Variants in GRIK2 observed in about 807,000 individuals in gnomAD.
The protein encoded by GRIK2 is glutamate receptor ionotropic, kainate 2.
GRIK2 carries 32 observed loss-of-function variants against 100.3 expected under a neutral mutation model. The ratio of observed to expected loss-of-function variants is 0.32; its 90% CI spans 0.24 to 0.43. The LOEUF is 0.43. GRIK2 is among the 20% of genes least tolerant of loss of function. The pLI is 1.00. For synonymous variants in GRIK2, 417 were observed against 389.4 expected (o/e 1.07, Z -0.83); for missense variants, 843 against 1,114.9 (o/e 0.76, Z 3.47).
chr6:101,594,809 G>C (rs1025796560), intron 2 of GRIK2, among the ~76,000 whole-genome samples: 36 of 151,802 alleles, frequency 2.4e-4, no homozygotes, highest in African/African-American at 7.7e-4. Context: ...TAGTTTAAAA[G>C]CATGGATGAA....
At chr6:101,553,169 A>T (rs1213291116) in intron 2 of GRIK2, among the ~76,000 whole-genome samples, 1 of 152,220 alleles carries the variant, frequency 6.6e-6, no homozygotes, top group Non-Finnish European at 1.5e-5. Flanking sequence ...TAAACACTAC[A>T]ATAGATTTAT....
intron 14 of GRIK2, among the ~76,000 whole-genome samples, chr6:102,016,083 A>G (rs1477548639): frequency 6.6e-6 from 1 of 151,550 alleles, no homozygotes. Context: ...CTGACAACTC[A>G]AAAAACTAGA....
At chr6:101,884,486 A>G (rs1786480431) in intron 11 of GRIK2, among the ~76,000 whole-genome samples, 1 of 152,132 alleles carries the variant, frequency 6.6e-6, no homozygotes, top group African/African-American at 2.4e-5. Context: ...AAGCTTCACA[A>G]CATATTCAAA....
At position 101,608,819 on chromosome 6, in the gene GRIK2, A is replaced by ATGTGTGTGTG. The variant is rs1562258517; in HGVS notation, c.116-13127_116-13126insGTGTGTGTGT. Among the ~76,000 whole-genome samples the ATGTGTGTGTG allele has an allele frequency of 2.6e-5, 3 of 113,960 alleles. No homozygotes were observed. In the East Asian group the frequency reaches 7.2e-4, roughly 28 times the overall value. 74.8% of individuals were successfully genotyped at this position (113,960 alleles called of 152,430 possible). Reference sequence around the variant, plus strand: ...TGTGTGTGTGTGTGTGTGTGTATGTATGTATGTGTGTGTGTGTCTCACTCT... The same window carrying ATGTGTGTGTG: ...TGTGTGTGTGTGTGTGTGTGTATGTATGTGTGTGTGTGTATGTGTGTGTGTGTCTCACTCT... On this transcript the variant is annotated intron_variant, in intron 2 of 16. Transcript: ENST00000369134.
At chr6:101,399,968 T>TA (rs1775199096) in intron 2 of GRIK2, among the ~76,000 whole-genome samples, 2 of 152,216 alleles carry the variant, frequency 1.3e-5, no homozygotes. Flanking sequence ...TGCAGAGCTT[T>TA]AAAAAATGTT....
chr6:101,425,419 A>C (rs1776651264), intron 2 of GRIK2, among the ~76,000 whole-genome samples: 1 of 152,156 alleles, frequency 6.6e-6, no homozygotes, highest in South Asian at 2.1e-4. Context: ...TATAATTTCT[A>C]TAATTATATT....
At chr6:101,470,819 A>G (rs74531384) in intron 2 of GRIK2, among the ~76,000 whole-genome samples, 15,109 of 152,160 alleles carry the variant, frequency 0.099, 790 homozygotes, top group South Asian at 0.11. Flanking sequence ...AGAGAAAACA[A>G]TCCATCAAAT....
At chr6:101,657,979 A>C (rs1331209067) in intron 4 of GRIK2, among the ~76,000 whole-genome samples, 1 of 152,134 alleles carries the variant, frequency 6.6e-6, no homozygotes, top group Non-Finnish European at 1.5e-5. Flanking sequence ...AGTAACTTGG[A>C]CTATTTCAAT....
chr6:101,873,106 T>A lies in GRIK2; in HGVS notation c.1524+13613T>A, dbSNP rs188106206. Reference sequence around the variant, plus strand: ...TTTTAAACTGGACATTAATTTTTTTTAAATTATACATTAAGTTCTAGGGTA... The same window carrying A: ...TTTTAAACTGGACATTAATTTTTTTAAAATTATACATTAAGTTCTAGGGTA... On this transcript the variant is annotated intron_variant, in intron 11 of 16. Transcript: ENST00000369134. Among the ~76,000 whole-genome samples, 800 of 152,006 alleles carry A rather than the reference T, an allele frequency of 5.3e-3. 7 individuals carry two copies. The highest frequency in any genetic ancestry group is 0.018 in the African/African-American group (750 of 41,496).
chr6:101,951,895 C>T (rs1340792299), intron 14 of GRIK2, among the ~76,000 whole-genome samples: 1 of 152,144 alleles, frequency 6.6e-6, no homozygotes, highest in Non-Finnish European at 1.5e-5. Flanking sequence ...TTCATAGCAG[C>T]ATGAGAAGTA....
At chr6:101,632,094 A>G (rs1475149538) in intron 4 of GRIK2, among the ~76,000 whole-genome samples, 1 of 152,136 alleles carries the variant, frequency 6.6e-6, no homozygotes, top group Non-Finnish European at 1.5e-5. Context: ...CATGAAGTGC[A>G]CACGTACATG....
intron 2 of GRIK2, among the ~76,000 whole-genome samples, chr6:101,522,946 A>T (rs1252284177): frequency 6.6e-6 from 1 of 150,994 alleles, no homozygotes; most frequent in African/African-American, 2.4e-5. Context: ...CTATTTATTA[A>T]ATTAATGAAC....
chr6:102,026,111 CATATATATATAT>C (rs6149730), intron 14 of GRIK2, among the ~76,000 whole-genome samples: 6,066 of 100,114 alleles, frequency 0.061, 182 homozygotes, highest in East Asian at 0.094. Flanking sequence ...TATACACTTA[CATATATATATAT>C]ATATATATAT....
intron 4 of GRIK2, among the ~76,000 whole-genome samples, chr6:101,656,642 A>G (rs1769205901): frequency 6.6e-6 from 1 of 152,216 alleles, no homozygotes; most frequent in South Asian, 2.1e-4. Context: ...AAATTAACAC[A>G]TAATGAATAT....
chr6:101,794,639 T>C (rs1780162844), intron 7 of GRIK2, among the ~76,000 whole-genome samples: 1 of 152,004 alleles, frequency 6.6e-6, no homozygotes, highest in African/African-American at 2.4e-5. Flanking sequence ...GATTTTTTTT[T>C]CTTTGTATTG....
At chr6:102,031,966 C>T (rs1770023979) in intron 14 of GRIK2, among the ~76,000 whole-genome samples, 1 of 151,204 alleles carries the variant, frequency 6.6e-6, no homozygotes, top group Admixed American at 6.6e-5. Flanking sequence ...AATCTCTGAA[C>T]TGGGCTGAAA....
chr6:101,569,073 A>T (rs1479963802), intron 2 of GRIK2, among the ~76,000 whole-genome samples: 3 of 152,150 alleles, frequency 2.0e-5, no homozygotes, highest in African/African-American at 7.2e-5. Context: ...TGTGAGTATA[A>T]ACCAATGGAG....
At position 102,068,548 on chromosome 6, in the gene GRIK2, C is replaced by T; in HGVS notation, c.*37C>T. ...CAAACACCCAAGCACAAACTGTCGTCTTTTTCCAAACAATTTAGCCAGAAT... is the reference window on the plus strand; with the variant it reads ...CAAACACCCAAGCACAAACTGTCGTTTTTTTCCAAACAATTTAGCCAGAAT... On this transcript the variant is annotated 3_prime_UTR_variant, in exon 17 of 17. Transcript: ENST00000369134. 1 of 1,587,720 alleles carries T rather than the reference C, an allele frequency of 6.3e-7. No individual in the cohort carries two copies. Among genetic ancestry groups the T allele is most frequent in the Non-Finnish European group, 8.6e-7 (1 of 1,162,376 alleles).
At chr6:101,869,425 A>G (rs953064633) in intron 11 of GRIK2, among the ~76,000 whole-genome samples, 1 of 151,950 alleles carries the variant, frequency 6.6e-6, no homozygotes, top group Admixed American at 6.6e-5. Context: ...CTTCATCCAT[A>G]TAATTTCCTG....
Sources: allele counts gnomAD v4.1 joint callset (sites outside exome capture counted in the v4.1 genomes callset), GRCh38; gene constraint gnomAD v4.1.1; transcripts MANE v1.5; gene names NCBI Gene and HGNC (gene_info 2026-07-23, HGNC 2026-07-21).